EEA1: variants seen among roughly 807,000 people sequenced by gnomAD.
EEA1 encodes early endosome antigen 1, 162kD.
EEA1 carries 111 observed loss-of-function variants against 209.2 expected under a neutral mutation model. The observed-to-expected ratio is 0.53, with a 90% confidence interval of 0.45 to 0.62. The LOEUF (loss-of-function observed/expected upper bound fraction) is 0.62, where lower values mean the gene tolerates loss of function less well. Among genes scored for constraint, EEA1 ranks in the 20% least tolerant of loss-of-function variants. EEA1 has a pLI of 0.00. For synonymous variants in EEA1, 536 were observed against 540.6 expected (o/e 0.99, Z 0.12); for missense variants, 1,343 against 1,530.8 (o/e 0.88, Z 2.05).
intron 6 of EEA1, among the ~76,000 whole-genome samples, 170 bp from the exon 7 acceptor site, chr12:92,853,195 C>T (rs757601493): frequency 9.2e-5 from 14 of 152,092 alleles, no homozygotes; most frequent in Non-Finnish European, 1.9e-4. Flanking sequence ...ACTTAAGGTA[C>T]AAATCATAAT....
At chr12:92,883,939 G>C in intron 2 of EEA1, 4 of 1,522,692 alleles carry the variant, frequency 2.6e-6, no homozygotes, top group Non-Finnish European at 3.6e-6. Context: ...GCACTCCAGG[G>C]GCTTTGGGTT....
At chr12:92,855,214 G>A (rs1390548149) in intron 5 of EEA1, among the ~76,000 whole-genome samples, 2 of 152,174 alleles carry the variant, frequency 1.3e-5, no homozygotes, top group Non-Finnish European at 2.9e-5. Context: ...CGGATCACGA[G>A]GTCAGGAGAT....
chr12:92,876,984 C>T (rs1878924335), intron 2 of EEA1, among the ~76,000 whole-genome samples: 1 of 149,882 alleles, frequency 6.7e-6, no homozygotes. Flanking sequence ...TGCTTTATCA[C>T]CTAGACTGGT....
chr12:92,801,823 A>C, intron 19 of EEA1, 122 bp from the exon 20 acceptor site: 1 of 566,754 alleles, frequency 1.8e-6, no homozygotes, highest in Non-Finnish European at 2.8e-6. Flanking sequence ...AGCTAAGATG[A>C]GACAGGATCA....
intron 9 of EEA1, among the ~76,000 whole-genome samples, chr12:92,846,577 A>C (rs1877394884): frequency 6.6e-6 from 1 of 152,192 alleles, no homozygotes; most frequent in Admixed American, 6.5e-5. Context: ...ACCAAATATA[A>C]GTTGATTACA....
intron 9 of EEA1, among the ~76,000 whole-genome samples, chr12:92,843,713 T>G (rs1415469619): frequency 2.0e-5 from 3 of 152,192 alleles, no homozygotes; most frequent in Non-Finnish European, 4.4e-5. Flanking sequence ...CCACTTTATT[T>G]ATAAAGTTAC....
chr12:92,800,048 C>G (rs1874837178), intron 20 of EEA1, among the ~76,000 whole-genome samples: 1 of 151,864 alleles, frequency 6.6e-6, no homozygotes, highest in Admixed American at 6.6e-5. Flanking sequence ...CATGGTGAAG[C>G]CTGTCTCTAC....
intron 2 of EEA1, among the ~76,000 whole-genome samples, chr12:92,868,229 G>C (rs1037503163): frequency 3.9e-5 from 6 of 152,148 alleles, no homozygotes; most frequent in African/African-American, 1.4e-4. Flanking sequence ...TCCCAGTCAG[G>C]ATGTTAGTCT....
Position 92,815,912 on chromosome 12 carries a change from T to C in EEA1, c.1929+288A>G, listed in dbSNP as rs192316687. The stretch of plus-strand genomic sequence containing the variant: ...AGCTTGAGGACAGAGAGAGCGCACC[T>C]GAGAGCAAGAGCCAGAGACAGAGAG... On this transcript the variant is annotated intron_variant, in intron 15 of 28. Coordinates refer to ENST00000322349, the MANE Select transcript of EEA1 (RefSeq NM_003566.4). Among the ~76,000 whole-genome samples, 23 of 149,640 alleles carry C rather than the reference T, an allele frequency of 1.5e-4. No individual in the cohort carries two copies. The East Asian group carries it at 4.3e-3, about 28-fold the overall frequency.
chr12:92,831,945 G>A (rs1226688682), intron 11 of EEA1, among the ~76,000 whole-genome samples: 2 of 150,572 alleles, frequency 1.3e-5, no homozygotes, highest in African/African-American at 4.9e-5. Flanking sequence ...AAATTAGCCG[G>A]GCGCGGTGGC....
At chr12:92,873,460 T>G (rs1197622860) in intron 2 of EEA1, among the ~76,000 whole-genome samples, 1 of 152,194 alleles carries the variant, frequency 6.6e-6, no homozygotes, top group African/African-American at 2.4e-5. Context: ...CAGGTGAAAC[T>G]ATTGTGCCTG....
chr12:92,840,220 A>G (rs1355482277), intron 10 of EEA1, among the ~76,000 whole-genome samples: 1 of 152,182 alleles, frequency 6.6e-6, no homozygotes, highest in Non-Finnish European at 1.5e-5. Flanking sequence ...AAAGGGTTTC[A>G]TAACTCTCTA....
intron 1 of EEA1, among the ~76,000 whole-genome samples, chr12:92,903,063 T>C (rs546882618): frequency 6.6e-6 from 1 of 151,096 alleles, no homozygotes. Flanking sequence ...GCCTCCCAAG[T>C]AGCTGGGGTT....
rs1398757462 is a variant in EEA1, at chr12:92,771,741, C to T, written c.*4270G>A. The stretch of plus-strand genomic sequence containing the variant: ...TTGCAAATGTTTAGATATAAACTAA[C>T]CTCGGAGGTGAGCAGTGGACTAGGA... On this transcript the variant is annotated 3_prime_UTR_variant, in exon 29 of 29. Transcript: ENST00000322349. 2.6e-5 allele frequency: 4 copies of T among 151,956 alleles called. No individual in the cohort carries two copies. Among genetic ancestry groups the T allele is most frequent in the African/African-American group, 7.2e-5 (3 of 41,402 alleles). 9.4% of individuals were successfully genotyped at this position (151,956 alleles called of 1,614,324 possible). A position where few individuals can be genotyped will look rare whatever the true frequency, so the allele number is the denominator to read the frequency against.
Position 92,773,410 on chromosome 12 carries a change from A to G in EEA1, c.*2601T>C, listed in dbSNP as rs1873512809. 1 of 152,162 alleles carries G rather than the reference A, an allele frequency of 6.6e-6. No homozygotes were observed. Among genetic ancestry groups the G allele is most frequent in the Non-Finnish European group, 1.5e-5 (1 of 67,688 alleles). The allele number at this position is 152,162 out of a possible 1,614,324, so 9.4% of individuals were successfully genotyped here. A position where few individuals can be genotyped will look rare whatever the true frequency, so the allele number is the denominator to read the frequency against. ...TTCCACATTAAGAGGTAGTTGAACA[A>G]AATGTTATTTATACACTGCATTGAG... is the stretch of plus-strand genomic sequence containing the variant. On this transcript the variant is annotated 3_prime_UTR_variant, in exon 29 of 29. Coordinates refer to ENST00000322349, the MANE Select transcript of EEA1 (RefSeq NM_003566.4).
intron 2 of EEA1, among the ~76,000 whole-genome samples, chr12:92,879,834 C>T (rs1879061860): frequency 6.6e-6 from 1 of 152,246 alleles, no homozygotes; most frequent in African/African-American, 2.4e-5. Context: ...TCTCCTCCCA[C>T]AGATAAGGCT....
intron 2 of EEA1, among the ~76,000 whole-genome samples, chr12:92,869,218 T>C (rs1215498337): frequency 6.6e-6 from 1 of 152,210 alleles, no homozygotes; most frequent in Non-Finnish European, 1.5e-5. Context: ...AGAGAAAGGC[T>C]GTTAGCTAAC....
At chr12:92,791,084 G>A (rs1874382119) in intron 21 of EEA1, among the ~76,000 whole-genome samples, 1 of 152,192 alleles carries the variant, frequency 6.6e-6, no homozygotes, top group Non-Finnish European at 1.5e-5. Flanking sequence ...GAGAGATTTT[G>A]TCACCACCAG....
intron 1 of EEA1, among the ~76,000 whole-genome samples, chr12:92,900,363 C>T (rs1880096742): frequency 6.6e-6 from 1 of 151,936 alleles, no homozygotes; most frequent in Non-Finnish European, 1.5e-5. Flanking sequence ...TCTCTACAGT[C>T]CCTTTAAACT....
Sources: gnomAD v4.1 joint callset for allele counts (sites outside exome capture counted in the v4.1 genomes callset) on GRCh38, gnomAD v4.1.1 for gene constraint, MANE v1.5 for transcripts, NCBI Gene and HGNC (gene_info 2026-07-23, HGNC 2026-07-21) for gene names.